The following CDK6 variants were observed in gnomAD, a reference collection of about 807,000 sequenced individuals.
The protein encoded by CDK6 is cyclin dependent kinase 6.
In CDK6, 6 loss-of-function variants were observed where a neutral mutation model predicts 37.1. The ratio of observed to expected loss-of-function variants is 0.16; its 90% CI spans 0.09 to 0.32. The LOEUF (loss-of-function observed/expected upper bound fraction) is 0.32. Ranked by LOEUF, CDK6 falls within the 10% of genes least tolerant of loss-of-function variation. The probability of loss-of-function intolerance (pLI) is 1.00; values close to 1 mark genes in which losing one functional copy is unlikely to be tolerated. For missense variants in CDK6, 224 were observed against 418.9 expected (o/e 0.53, Z 4.06); for synonymous variants, 160 against 161.3 (o/e 0.99, Z 0.06).
chr7:92,760,335 A>G (rs1429396360), intron 3 of CDK6, among the ~76,000 whole-genome samples: 3 of 152,124 alleles, frequency 2.0e-5, no homozygotes, highest in Admixed American at 6.5e-5. Flanking sequence ...TTTTATCAAT[A>G]TCATCATCAT....
At chr7:92,822,492 C>G (rs1389671063) in intron 2 of CDK6, among the ~76,000 whole-genome samples, 1 of 152,070 alleles carries the variant, frequency 6.6e-6, no homozygotes, top group Non-Finnish European at 1.5e-5. Flanking sequence ...GCTGTGAAAA[C>G]AGTAATCTTG....
At chr7:92,738,553 C>T (rs570206650) in intron 3 of CDK6, among the ~76,000 whole-genome samples, 6 of 151,680 alleles carry the variant, frequency 4.0e-5, no homozygotes, top group Admixed American at 3.3e-4. Flanking sequence ...GCAGGAGACT[C>T]GCTTGAACCC....
At chr7:92,674,079 C>T (rs1349354448) in intron 4 of CDK6, among the ~76,000 whole-genome samples, 2 of 151,230 alleles carry the variant, frequency 1.3e-5, no homozygotes, top group Non-Finnish European at 2.9e-5. Flanking sequence ...TGCGCCTCCC[C>T]CTTTCTTCTT....
intron 4 of CDK6, among the ~76,000 whole-genome samples, chr7:92,702,308 C>CGTTG (rs1797870185): frequency 7.7e-6 from 1 of 130,448 alleles, no homozygotes; most frequent in Non-Finnish European, 1.6e-5. Flanking sequence ...TCTCGGCTCA[C>CGTTG]TTCAACCTCT....
intron 3 of CDK6, among the ~76,000 whole-genome samples, chr7:92,730,694 T>A (rs1798624016): frequency 6.6e-6 from 1 of 152,228 alleles, no homozygotes. Context: ...TCATTCATGT[T>A]GTGGTGTGTA....
At position 92,808,978 on chromosome 7, in the gene CDK6, T is replaced by C. The variant is rs544850421; in HGVS notation, c.233+24113A>G. Among the ~76,000 whole-genome samples, 91 of 152,310 alleles carry C rather than the reference T, an allele frequency of 6.0e-4. 1 individual carries two copies. The highest frequency in any genetic ancestry group is 8.3e-4 in the South Asian group (4 of 4,830). On this transcript the variant is annotated intron_variant, in intron 2 of 7. Transcript: ENST00000424848. ...TAAAGGGCCAGAAATCCTGGCTATTTAGAGGCCTCTGTAAAGATGAAAACA... is the reference window on the plus strand; with the variant it reads ...TAAAGGGCCAGAAATCCTGGCTATTCAGAGGCCTCTGTAAAGATGAAAACA...
chr7:92,710,233 A>G (rs1798059156), intron 4 of CDK6, among the ~76,000 whole-genome samples: 2 of 152,214 alleles, frequency 1.3e-5, no homozygotes, highest in African/African-American at 4.8e-5. Flanking sequence ...ACGGGATTCA[A>G]TTATGAGTGA....
chr7:92,642,473 G>A (rs550364892), intron 5 of CDK6, among the ~76,000 whole-genome samples: 1 of 152,168 alleles, frequency 6.6e-6, no homozygotes, highest in South Asian at 2.1e-4. Context: ...AGTACTCCAG[G>A]TCCTTGGACT....
At chr7:92,629,635 A>G (rs1441886753) in intron 5 of CDK6, among the ~76,000 whole-genome samples, 1 of 152,164 alleles carries the variant, frequency 6.6e-6, no homozygotes, top group Non-Finnish European at 1.5e-5. Context: ...CAAAAATTGA[A>G]TGGGTATCTC....
chr7:92,713,281 A>G (rs1454610115), intron 4 of CDK6, among the ~76,000 whole-genome samples: 4 of 152,252 alleles, frequency 2.6e-5, no homozygotes, highest in African/African-American at 7.2e-5. Context: ...CATAATATAC[A>G]TAAACCTGTA....
At chr7:92,709,738 G>A (rs1217611620) in intron 4 of CDK6, among the ~76,000 whole-genome samples, 1 of 151,994 alleles carries the variant, frequency 6.6e-6, no homozygotes, top group Admixed American at 6.6e-5. Context: ...TTGCCTCACT[G>A]TTTTTAAAAG....
chr7:92,781,954 T>C (rs1384439905), intron 2 of CDK6, among the ~76,000 whole-genome samples: 1 of 152,232 alleles, frequency 6.6e-6, no homozygotes, highest in Non-Finnish European at 1.5e-5. Flanking sequence ...TTTTTGCTCA[T>C]TAAATATGGA....
chr7:92,818,517 T>C (rs1036343166), intron 2 of CDK6, among the ~76,000 whole-genome samples: 4 of 151,686 alleles, frequency 2.6e-5, no homozygotes, highest in African/African-American at 9.7e-5. Flanking sequence ...GGAAAAATCC[T>C]ATATGCCCTG....
intron 4 of CDK6, among the ~76,000 whole-genome samples, chr7:92,719,196 G>A (rs760863997): frequency 5.9e-5 from 9 of 152,140 alleles, no homozygotes; most frequent in Non-Finnish European, 1.2e-4. Flanking sequence ...ATAGGTAAAC[G>A]TGTGCCATGG....
intron 3 of CDK6, among the ~76,000 whole-genome samples, chr7:92,768,004 G>A (rs1799624935): frequency 6.6e-6 from 1 of 151,996 alleles, no homozygotes; most frequent in Admixed American, 6.6e-5. Context: ...AATCAACTAG[G>A]TAAAACATTA....
At chr7:92,724,018 A>C (rs10234981) in intron 4 of CDK6, among the ~76,000 whole-genome samples, 25,168 of 151,938 alleles carry the variant, frequency 0.17, 3,137 homozygotes, top group African/African-American at 0.35. Context: ...CATCTCAGTT[A>C]CAGCTTATCC....
At chr7:92,672,202 C>CAG (rs2116606246) in intron 4 of CDK6, among the ~76,000 whole-genome samples, 1 of 124,236 alleles carries the variant, frequency 8.0e-6, no homozygotes, top group South Asian at 2.8e-4. Flanking sequence ...CACACACACA[C>CAG]ACACACACAC....
chr7:92,804,043 GAC>G (rs1800659657), intron 2 of CDK6, among the ~76,000 whole-genome samples: 1 of 152,110 alleles, frequency 6.6e-6, no homozygotes, highest in Non-Finnish European at 1.5e-5. Context: ...ATAGATTAGT[GAC>G]ATTTTATAAA....
chr7:92,762,533 A>C (rs1799481475), intron 3 of CDK6, among the ~76,000 whole-genome samples: 1 of 151,958 alleles, frequency 6.6e-6, no homozygotes, highest in Non-Finnish European at 1.5e-5. Context: ...AAATTTTAAC[A>C]AGTGTTTATT....
Sources: allele counts gnomAD v4.1 joint callset (sites outside exome capture counted in the v4.1 genomes callset), GRCh38; gene constraint gnomAD v4.1.1; transcripts MANE v1.5; gene names NCBI Gene and HGNC (gene_info 2026-07-23, HGNC 2026-07-21).